MCM10: variants seen among roughly 807,000 people sequenced by gnomAD.
MCM10 encodes minichromosome maintenance 10 replication initiation factor, also known as protein MCM10 homolog.
Under a neutral mutation model 109.9 loss-of-function variants are expected in MCM10, and 91 were observed. The ratio of observed to expected loss-of-function variants is 0.83; its 90% CI spans 0.70 to 0.99. The LOEUF is 0.99. Ranked by LOEUF, MCM10 falls within the 50% of genes least tolerant of loss-of-function variation. The pLI is 0.00. For missense variants in MCM10, 1,077 were observed against 1,061.2 expected (o/e 1.01, Z -0.21); for synonymous variants, 380 against 387.2 (o/e 0.98, Z 0.22).
In MCM10 at chr10:13,201,546, TG is replaced by T; in HGVS notation, c.2352+17del. The T allele has an allele frequency of 6.3e-7, 1 of 1,592,504 alleles. No individual in the cohort carries two copies. The highest frequency in any genetic ancestry group is 1.1e-5 in the South Asian group (1 of 88,616). On this transcript the variant is annotated intron_variant, in intron 17 of 19. Transcript: ENST00000378714. The stretch of plus-strand genomic sequence containing the variant: ...TGACATGCAAGACGGTGGGTGAAGG[TG>T]GGGGCTGCAGCAACCCATGGGCCCT...
intron 3 of MCM10, among the ~76,000 whole-genome samples, chr10:13,171,715 A>T (rs1834075931): frequency 6.6e-6 from 1 of 152,162 alleles, no homozygotes; most frequent in Non-Finnish European, 1.5e-5. Flanking sequence ...TCTAATACAG[A>T]AGCCAGCATT....
In MCM10 at chr10:13,172,496, T is replaced by A. The variant is rs1174067023; in HGVS notation, c.454+16T>A. 1 of 1,610,558 alleles carries A rather than the reference T, an allele frequency of 6.2e-7. No homozygotes were observed. The highest frequency in any genetic ancestry group is 1.1e-5 in the South Asian group (1 of 90,764). On this transcript the variant is annotated intron_variant, in intron 4 of 19. Coordinates refer to ENST00000378714, the MANE Select transcript of MCM10 (RefSeq NM_018518.5). This position sits in a 1 kb window ranked among gnomAD's most constrained non-coding sequence, Gnocchi z 5.2. ...AAATCCCCTGGTAAGAAGACTGTCA[T>A]TCTGGCAATCGTGTGCATTTATTTT...
intron 10 of MCM10, among the ~76,000 whole-genome samples, chr10:13,190,374 C>A (rs1834331199): frequency 4.6e-5 from 7 of 152,188 alleles, no homozygotes; most frequent in Admixed American, 3.3e-4. Context: ...CAACTATAAT[C>A]CTATCACCTG....
chr10:13,208,499 G>T (rs1834613346), intron 18 of MCM10, among the ~76,000 whole-genome samples: 1 of 151,014 alleles, frequency 6.6e-6, no homozygotes, highest in African/African-American at 2.4e-5. Flanking sequence ...GGAGGCTGAG[G>T]CAGGCAGATC....
chr10:13,208,581 A>AAAG (rs1834615963), intron 18 of MCM10, among the ~76,000 whole-genome samples: 2 of 151,402 alleles, frequency 1.3e-5, no homozygotes, highest in South Asian at 4.2e-4. Context: ...AAAAAAAAAA[A>AAAG]AGGAAAAGAA....
At position 13,182,815 on chromosome 10, in the gene MCM10, A is replaced by G. The variant is rs1834225339; in HGVS notation, c.931-118A>G. On this transcript the variant is annotated intron_variant, in intron 7 of 19. Coordinates refer to ENST00000378714, the MANE Select transcript of MCM10 (RefSeq NM_018518.5). The surrounding 1 kb of genome is among the most constrained non-coding windows in gnomAD (Gnocchi z 4.2). ...ATGATACATATTTGAATAACAACAA[A>G]AAAACTTGGATTTTATGGATTATAG... 1 of 740,254 alleles carries G rather than the reference A, an allele frequency of 1.4e-6. No homozygotes were observed. The highest frequency in any genetic ancestry group is 2.9e-5 in the Admixed American group (1 of 34,054). The allele number at this position is 740,254 out of a possible 1,614,324, so 45.9% of individuals were successfully genotyped here. A position where few individuals can be genotyped will look rare whatever the true frequency, so the allele number is the denominator to read the frequency against.
intron 16 of MCM10, among the ~76,000 whole-genome samples, chr10:13,200,584 G>A (rs1258427663): frequency 5.3e-5 from 8 of 152,164 alleles, no homozygotes; most frequent in Non-Finnish European, 7.4e-5. Context: ...TGAGCTCCTC[G>A]CCTCTGTGGA....
At chr10:13,197,106 C>T (rs11258243) in intron 14 of MCM10, among the ~76,000 whole-genome samples, 40,320 of 151,530 alleles carry the variant, frequency 0.27, 5,721 homozygotes, top group East Asian at 0.35. Context: ...TGTACCATGC[C>T]CAGATGAAGT....
chr10:13,167,792 A>T lies in MCM10; in HGVS notation c.8-3130A>T, dbSNP rs1217062196. On this transcript the variant is annotated intron_variant, in intron 2 of 19. Transcript: ENST00000378714. ...GTTGCATGCCTAATACGTGCCGAAC[A>T]CTATTCTAGACATTGCCATGTGAGG... Among the ~76,000 whole-genome samples, 5 of 152,226 alleles carry T rather than the reference A, an allele frequency of 3.3e-5. No homozygotes were observed. In the East Asian group the frequency reaches 9.6e-4, roughly 29 times the overall value.
chr10:13,201,106 A>G (rs557368587), intron 16 of MCM10, among the ~76,000 whole-genome samples: 2 of 152,310 alleles, frequency 1.3e-5, no homozygotes, highest in Admixed American at 1.3e-4. Flanking sequence ...AGATTGCACC[A>G]CTGCACTCTA....
intron 17 of MCM10, among the ~76,000 whole-genome samples, chr10:13,202,242 A>G (rs1834510183): frequency 6.6e-6 from 1 of 152,176 alleles, no homozygotes; most frequent in African/African-American, 2.4e-5. Flanking sequence ...CTGTGGCTCC[A>G]GCTACTTGGG....
Position 13,172,126 on chromosome 10 carries a change from A to G in MCM10, c.350-250A>G, listed in dbSNP as rs899945971. Among the ~76,000 whole-genome samples the G allele has an allele frequency of 7.2e-5, 11 of 152,214 alleles. No individual in the cohort carries two copies. Among genetic ancestry groups the G allele is most frequent in the Middle Eastern group, 3.4e-3 (1 of 294 alleles). ...TTGTTAACTGTGGATTTTATTTGAT[A>G]TCTCTTAATAGTAAAGATTTATAAC... On this transcript the variant is annotated intron_variant, in intron 3 of 19. Transcript: ENST00000378714. This position sits in a 1 kb window ranked among gnomAD's most constrained non-coding sequence, Gnocchi z 5.2.
chr10:13,186,046 G>A, intron 8 of MCM10, 118 bp from the exon 9 acceptor site: 1 of 636,390 alleles, frequency 1.6e-6, no homozygotes, highest in Admixed American at 2.2e-5. Flanking sequence ...ATAGGTGTGA[G>A]CCACTGCGCC....
rs1834633873 is a variant in MCM10 at position 13,209,802 on chromosome 10, A to G, written c.*492A>G. 6.4e-6 allele frequency: 1 copy of G among 156,136 alleles called. No individual in the cohort carries two copies. The highest frequency in any genetic ancestry group is 2.4e-5 in the African/African-American group (1 of 41,486). The allele number at this position is 156,136 out of a possible 1,614,324, so 9.7% of individuals were successfully genotyped here. On this transcript the variant is annotated 3_prime_UTR_variant, in exon 20 of 20. Coordinates refer to ENST00000378714, the MANE Select transcript of MCM10 (RefSeq NM_018518.5). ...TAAGTGATCCTGAAATGTATTTTTT[A>G]GCACTGGATTTCTACAAATAATAAA...
chr10:13,178,963 G>A (rs1481557335), intron 6 of MCM10, among the ~76,000 whole-genome samples: 1 of 152,138 alleles, frequency 6.6e-6, no homozygotes. Flanking sequence ...ATTTGGAGCA[G>A]TTGTAAATGG....
Position 13,171,235 on chromosome 10 carries a change from G to T in MCM10, c.321G>T (p.Arg107Ser), listed in dbSNP as rs1297380933. 6.2e-7 allele frequency: 1 copy of T among 1,611,296 alleles called. No individual in the cohort carries two copies. The highest frequency in any genetic ancestry group is 8.5e-7 in the Non-Finnish European group (1 of 1,178,838). The change falls in exon 3 of 20, where the codon AGG becomes AGT. Residue 107 changes from arginine (R) to serine (S), a missense_variant. Physicochemically the swap from Arg to Ser is moderately radical, Grantham distance 110. Transcript: ENST00000378714. ...GGGTCCTCCCTGCTCCTGCCCCCAG[G>T]CGAGAGAAAACGAATGAAGAGTTGC... ...ENRVLPAPAP[R>S]REKTNEELQE...
chr10:13,200,722 G>A (rs1298998426), intron 16 of MCM10, among the ~76,000 whole-genome samples: 1 of 152,258 alleles, frequency 6.6e-6, no homozygotes, highest in African/African-American at 2.4e-5. Context: ...AAACTCACCA[G>A]TGGGGGCCTG....
chr10:13,168,949 C>T (rs528230479), intron 2 of MCM10, among the ~76,000 whole-genome samples: 1 of 152,296 alleles, frequency 6.6e-6, no homozygotes, highest in Non-Finnish European at 1.5e-5. Flanking sequence ...AAAAATCAAG[C>T]GGACATAGAA....
intron 14 of MCM10, among the ~76,000 whole-genome samples, 193 bp from the exon 15 acceptor site, chr10:13,197,430 A>G (rs1834435990): frequency 6.6e-6 from 1 of 152,186 alleles, no homozygotes; most frequent in South Asian, 2.1e-4. Context: ...TCATCAACAT[A>G]TAGACCTGTC....
Sources: allele counts gnomAD v4.1 joint callset (sites outside exome capture counted in the v4.1 genomes callset), GRCh38; gene constraint gnomAD v4.1.1; non-coding constraint Gnocchi (gnomAD v3.1); transcripts MANE v1.5; gene names NCBI Gene and HGNC (gene_info 2026-07-23, HGNC 2026-07-21).